SPRED3: variants seen among roughly 807,000 people sequenced by gnomAD.
SPRED3 encodes sprouty-related, EVH1 domain-containing protein 3.
A neutral mutation model predicts 37.6 loss-of-function variants in SPRED3; 23 were observed. That is an observed-to-expected ratio of 0.61 (90% CI 0.44 to 0.87). The LOEUF (loss-of-function observed/expected upper bound fraction) is 0.87. SPRED3 is among the 40% of genes least tolerant of loss of function. The pLI, the probability that SPRED3 is intolerant of heterozygous loss-of-function variation, is 0.00. For synonymous variants in SPRED3, 302 were observed against 279.6 expected (o/e 1.08, Z -0.80); for missense variants, 584 against 618.6 (o/e 0.94, Z 0.59).
At chr19:38,390,184 C>T in intron 1 of SPRED3, 115 bp from the exon 2 acceptor site, 4 of 1,076,458 alleles carry the variant, frequency 3.7e-6, no homozygotes, top group Non-Finnish European at 4.9e-6. Context: ...TGCAGTGGAC[C>T]TGGACGTGAG....
At position 38,398,818 on chromosome 19, in the gene SPRED3, G is replaced by A. The variant is rs1316116622; in HGVS notation, c.*2673G>A. Reference sequence around the variant, plus strand: ...ACCCAGACTTGGATGGCCTTGTTGGGGTTCAAGGGATAGGTCCTCTGTCTC... The same window carrying A: ...ACCCAGACTTGGATGGCCTTGTTGGAGTTCAAGGGATAGGTCCTCTGTCTC... On this transcript the variant is annotated 3_prime_UTR_variant, in exon 6 of 6. Coordinates refer to ENST00000691638, the MANE Select transcript of SPRED3 (RefSeq NM_001394336.1). The A allele has an allele frequency of 3.3e-5, 5 of 152,228 alleles. No homozygotes were observed. Among genetic ancestry groups the A allele is most frequent in the Non-Finnish European group, 7.3e-5 (5 of 68,076 alleles). The allele number at this position is 152,228 out of a possible 1,614,324, so 9.4% of individuals were successfully genotyped here.
At chr19:38,390,258 C>G in intron 1 of SPRED3, 41 bp from the exon 2 acceptor site, 7 of 1,329,686 alleles carry the variant, frequency 5.3e-6, no homozygotes, top group Non-Finnish European at 6.8e-6. Context: ...GGTTTGAGCT[C>G]ATGACTGTGT....
Position 38,396,130 on chromosome 19 carries a change from G to T in SPRED3, c.1218G>T (p.Glu406Asp). The T allele has an allele frequency of 7.8e-7, 1 of 1,281,506 alleles. No individual in the cohort carries two copies. The highest frequency in any genetic ancestry group is 9.8e-7 in the Non-Finnish European group (1 of 1,017,902). 79.4% of individuals were successfully genotyped at this position (1,281,506 alleles called of 1,614,324 possible). The change falls in exon 6 of 6, where the codon GAG becomes GAT. Residue 406 changes from glutamate (E) to aspartate (D), a missense_variant. Glu to Asp is a conservative substitution (Grantham distance 45, BLOSUM62 2). This residue lies in a region of SPRED3 where 85 missense variants were observed against 117.8 expected (regional missense o/e 0.72). Coordinates refer to ENST00000691638, the MANE Select transcript of SPRED3 (RefSeq NM_001394336.1). ...GCGCCGGCTGCGGGGGTCGCCACGA[G>T]GAGGCTGCGCGGTGAGGACGGCCTG... ...CGCAGCGGRH[E>D]EAAR
In SPRED3 at chr19:38,395,828, C is replaced by A. The variant is rs766526440; in HGVS notation, c.916C>A (p.Arg306Ser). The A allele has an allele frequency of 1.2e-5, 17 of 1,468,532 alleles. No individual in the cohort carries two copies. Among genetic ancestry groups the A allele is most frequent in the Non-Finnish European group, 1.4e-5 (16 of 1,118,428 alleles). 91.0% of individuals were successfully genotyped at this position (1,468,532 alleles called of 1,614,324 possible). A position where few individuals can be genotyped will look rare whatever the true frequency, so the allele number is the denominator to read the frequency against. The change falls in exon 6 of 6, where the codon CGC (arginine) becomes AGC (serine). Residue 306 changes from arginine (R) to serine (S), a missense_variant. Transcript: ENST00000691638. This position sits in a 1 kb window ranked among gnomAD's most constrained non-coding sequence, Gnocchi z 5.2. Reference sequence around the variant, plus strand: ...CGTGCATTGCCGCGCGCTCTTCCGTCGCAGAGCAGACGGGCGTGGCGGCCG... The same window carrying A: ...CGTGCATTGCCGCGCGCTCTTCCGTAGCAGAGCAGACGGGCGTGGCGGCCG... Reference protein sequence around the residue: ...RCVHCRALFRRRADGRGGRCA... With the variant: ...RCVHCRALFRSRADGRGGRCA...
In SPRED3 at chr19:38,395,939, C is replaced by G; in HGVS notation, c.1027C>G (p.Leu343Val). The G allele has an allele frequency of 6.7e-7, 1 of 1,503,114 alleles. No individual in the cohort carries two copies. The highest frequency in any genetic ancestry group is 8.8e-7 in the Non-Finnish European group (1 of 1,134,490). 93.1% of individuals were successfully genotyped at this position (1,503,114 alleles called of 1,614,324 possible). ...CGCCGAGAGCTTGCTCTACCACTGC[C>G]TGTCGGACGCCGAGGGCGACTTCTC... ...WCAESLLYHC[L>V]SDAEGDFSDP... The change falls in exon 6 of 6, where the codon CTG (leucine) becomes GTG (valine). Residue 343 changes from leucine to valine, a missense_variant. By Grantham distance (32) the Leu-to-Val change is conservative. Coordinates refer to ENST00000691638, the MANE Select transcript of SPRED3 (RefSeq NM_001394336.1). This position sits in a 1 kb window ranked among gnomAD's most constrained non-coding sequence, Gnocchi z 5.2.
At chr19:38,394,594 C>A in intron 4 of SPRED3, 49 bp from the exon 5 acceptor site, 1 of 1,557,510 alleles carries the variant, frequency 6.4e-7, no homozygotes. Context: ...GTGAGGGCAT[C>A]GGCTGTGCGG....
chr19:38,390,773 C>T (rs549153688), intron 2 of SPRED3, among the ~76,000 whole-genome samples: 7 of 116,714 alleles, frequency 6.0e-5, no homozygotes, highest in African/African-American at 1.7e-4. Flanking sequence ...TGCCCCCCCC[C>T]CCCCGCCCCG....
rs894350313 is a variant in SPRED3, at chr19:38,390,371, C to T, written c.69C>T (p.Gly23=). Residue 23 remains glycine, a synonymous_variant, in exon 2 of 6, where the codon GGC becomes GGT. Coordinates refer to ENST00000691638, the MANE Select transcript of SPRED3 (RefSeq NM_001394336.1). ...DSSGGWLPVG[G]GGLSQVSVCR... ...GTGGGGGCTGGCTGCCTGTGGGGGG[C>T]GGGGGCCTCAGCCAGGTGAGCGTGT... is the stretch of plus-strand genomic sequence containing the variant. 1.6e-5 allele frequency: 22 copies of T among 1,369,702 alleles called. No homozygotes were observed. The highest frequency in any genetic ancestry group is 4.0e-4 in the Middle Eastern group (2 of 4,952). 84.8% of individuals were successfully genotyped at this position (1,369,702 alleles called of 1,614,324 possible).
At position 38,395,635 on chromosome 19, in the gene SPRED3, C is replaced by A; in HGVS notation, c.723C>A (p.Phe241Leu). 1 of 1,537,862 alleles carries A rather than the reference C, an allele frequency of 6.5e-7. No homozygotes were observed. The highest frequency in any genetic ancestry group is 8.7e-7 in the Non-Finnish European group (1 of 1,151,698). ...CCCTGTCCACCTGCGTCGTGCGCTT[C>A]GCCAAGACCGGCGCGTTGAGGGGCG... ...PLALSTCVVRFAKTGALRGAA... is the reference protein window; with the variant it reads ...PLALSTCVVRLAKTGALRGAA... The change falls in exon 6 of 6, where the codon TTC becomes TTA. Residue 241 changes from phenylalanine (F) to leucine (L), a missense_variant. By Grantham distance (22) the Phe-to-Leu change is conservative (BLOSUM62 0). Around this residue, in one of 7 missense-constraint regions of SPRED3, gnomAD observed 310 missense variants for 281.1 expected, o/e 1.10. Transcript: ENST00000691638. The surrounding 1 kb of genome is among the most constrained non-coding windows in gnomAD (Gnocchi z 5.2).
chr19:38,395,691 C>A lies in SPRED3; in HGVS notation c.779C>A (p.Ala260Asp). Residue 260 changes from alanine to aspartate, a missense_variant, in exon 6 of 6, where the codon GCC becomes GAC. Ala to Asp is a moderately radical substitution (Grantham distance 126, BLOSUM62 -2). Around this residue, in one of 7 missense-constraint regions of SPRED3, gnomAD observed 310 missense variants for 281.1 expected, o/e 1.10. Transcript: ENST00000691638. This position sits in a 1 kb window ranked among gnomAD's most constrained non-coding sequence, Gnocchi z 5.2. ...CTGGGTCCCCCAGCGGCACTACCTG[C>A]CCCTTTGACCGAGGCTGCGCCCCCA... Reference protein sequence around the residue: ...AALGPPAALPAPLTEAAPPAP... With the variant: ...AALGPPAALPDPLTEAAPPAP... The A allele has an allele frequency of 6.8e-7, 1 of 1,480,760 alleles. No homozygotes were observed. Among genetic ancestry groups the A allele is most frequent in the Non-Finnish European group, 8.9e-7 (1 of 1,127,412 alleles). 91.7% of individuals were successfully genotyped at this position (1,480,760 alleles called of 1,614,324 possible).
rs151129136 is a variant in SPRED3 at position 38,392,223 on chromosome 19, CCCTCCT to C, written c.378_383del (p.Ser127_Ser128del). 2.4e-5 allele frequency: 37 copies of C among 1,569,666 alleles called. No individual in the cohort carries two copies. The highest frequency in any genetic ancestry group is 5.3e-5 in the Admixed American group (3 of 56,660). Reference sequence around the variant, plus strand: ...TCTCCCTGCCCCAGGCTCACTCACCCCCTCCTCCTCCTCCTCCTCCTCCTCTCCTTC... The same window carrying C: ...TCTCCCTGCCCCAGGCTCACTCACCCCCTCCTCCTCCTCCTCCTCTCCTTC... On this transcript the variant is annotated inframe_deletion, in exon 4 of 6. Transcript: ENST00000691638.
chr19:38,395,747 G>A lies in SPRED3; in HGVS notation c.835G>A (p.Gly279Ser). 2 of 1,463,488 alleles carry A rather than the reference G, an allele frequency of 1.4e-6. No homozygotes were observed. Among genetic ancestry groups the A allele is most frequent in the African/African-American group, 1.5e-5 (1 of 67,786 alleles). The allele number at this position is 1,463,488 out of a possible 1,614,324, so 90.7% of individuals were successfully genotyped here. The change falls in exon 6 of 6, where the codon GGC (glycine) becomes AGC (serine). Residue 279 changes from glycine to serine, a missense_variant. Physicochemically the swap from Gly to Ser is moderately conservative, Grantham distance 56 (BLOSUM62 0). Transcript: ENST00000691638. This position sits in a 1 kb window ranked among gnomAD's most constrained non-coding sequence, Gnocchi z 5.2. Reference protein sequence around the residue: ...APPARPPPGPGPSSAPAKASP... With the variant: ...APPARPPPGPSPSSAPAKASP... Reference sequence around the variant, plus strand: ...CCCCGCTCGCCCACCCCCCGGCCCGGGCCCATCCTCTGCGCCTGCCAAGGC... The same window carrying A: ...CCCCGCTCGCCCACCCCCCGGCCCGAGCCCATCCTCTGCGCCTGCCAAGGC...
rs1009057431 is a variant in SPRED3, at chr19:38,397,355, T to A, written c.*1210T>A. The A allele has an allele frequency of 6.6e-6, 1 of 152,140 alleles. No homozygotes were observed. The highest frequency in any genetic ancestry group is 2.4e-5 in the African/African-American group (1 of 41,386). The allele number at this position is 152,140 out of a possible 1,614,324, so 9.4% of individuals were successfully genotyped here. Reference sequence around the variant, plus strand: ...TTGGCCCTCAGCCCTTGAGTGACCCTAAGGTACTTTAGGAGCACTGGATCC... The same window carrying A: ...TTGGCCCTCAGCCCTTGAGTGACCCAAAGGTACTTTAGGAGCACTGGATCC... On this transcript the variant is annotated 3_prime_UTR_variant, in exon 6 of 6. Transcript: ENST00000691638.
chr19:38,395,735 C>A lies in SPRED3; in HGVS notation c.823C>A (p.Pro275Thr). ...GCCCCCAGCGCCCCCCGCTCGCCCACCCCCCGGCCCGGGCCCATCCTCTGC... is the reference window on the plus strand; with the variant it reads ...GCCCCCAGCGCCCCCCGCTCGCCCAACCCCCGGCCCGGGCCCATCCTCTGC... ...AAPPAPPARPPPGPGPSSAPA... is the reference protein window; with the variant it reads ...AAPPAPPARPTPGPGPSSAPA... The change falls in exon 6 of 6, where the codon CCC (proline) becomes ACC (threonine). Residue 275 changes from proline to threonine, a missense_variant. By Grantham distance (38) the Pro-to-Thr change is conservative. This residue lies in a region of SPRED3 where 310 missense variants were observed against 281.1 expected (regional missense o/e 1.10). Transcript: ENST00000691638. The surrounding 1 kb of genome is among the most constrained non-coding windows in gnomAD (Gnocchi z 5.2). 1.4e-6 allele frequency: 2 copies of A among 1,452,858 alleles called. No homozygotes were observed. The highest frequency in any genetic ancestry group is 1.5e-5 in the African/African-American group (1 of 67,340). 90.0% of individuals were successfully genotyped at this position (1,452,858 alleles called of 1,614,324 possible). A position where few individuals can be genotyped will look rare whatever the true frequency, so the allele number is the denominator to read the frequency against.
chr19:38,395,812 C>A lies in SPRED3; in HGVS notation c.900C>A (p.Cys300Ter), dbSNP rs879890313. ...EAEEAARCVH[C>*]RALFRRRADG... is the part of the protein sequence containing the mutation. ...AGGAGGCAGCGCGCTGCGTGCATTG[C>A]CGCGCGCTCTTCCGTCGCAGAGCAG... The change falls in exon 6 of 6, where the codon TGC (cysteine) becomes TGA (stop). Residue 300 changes from cysteine (C) to a stop codon, truncating the protein, a stop_gained. Transcript: ENST00000691638. LOFTEE classifies it high-confidence loss of function. This position sits in a 1 kb window ranked among gnomAD's most constrained non-coding sequence, Gnocchi z 5.2. The A allele has an allele frequency of 1.4e-6, 2 of 1,463,350 alleles. No homozygotes were observed. The highest frequency in any genetic ancestry group is 9.0e-7 in the Non-Finnish European group (1 of 1,115,482). The allele number at this position is 1,463,350 out of a possible 1,614,324, so 90.6% of individuals were successfully genotyped here.
In SPRED3 at chr19:38,395,515, G is replaced by A. The variant is rs1233885460; in HGVS notation, c.603G>A (p.Pro201=). ...CGCTTCTACCGTTCACGGGGATTCC[G>A]GAACCCTCAGAGCCCCTGGCAGGGG... ...YPPLLPFTGI[P]EPSEPLAGAG... is the part of the protein sequence containing the mutation. Residue 201 remains proline, a synonymous_variant, in exon 6 of 6, where the codon CCG becomes CCA. Transcript: ENST00000691638. The surrounding 1 kb of genome is among the most constrained non-coding windows in gnomAD (Gnocchi z 5.2). The A allele has an allele frequency of 6.6e-7, 1 of 1,524,432 alleles. No individual in the cohort carries two copies. The highest frequency in any genetic ancestry group is 8.8e-7 in the Non-Finnish European group (1 of 1,141,170). 94.4% of individuals were successfully genotyped at this position (1,524,432 alleles called of 1,614,324 possible).
chr19:38,399,449 A>G lies in SPRED3; in HGVS notation c.*3304A>G, dbSNP rs1970937978. On this transcript the variant is annotated 3_prime_UTR_variant, in exon 6 of 6. Transcript: ENST00000691638. ...CATATATCTTCCTGATCTTGTTTCT[A>G]AGCCAGTCTGTGACCTCAATATTGT... 6.6e-6 allele frequency: 1 copy of G among 151,896 alleles called. No individual in the cohort carries two copies. Among genetic ancestry groups the G allele is most frequent in the African/African-American group, 2.4e-5 (1 of 41,310 alleles). 9.4% of individuals were successfully genotyped at this position (151,896 alleles called of 1,614,324 possible).
Position 38,394,653 on chromosome 19 carries a change from A to C in SPRED3, c.434A>C (p.Asp145Ala). The change falls in exon 5 of 6, where the codon GAC (aspartate) becomes GCC (alanine). Residue 145 changes from aspartate to alanine, a missense_variant. Physicochemically the swap from Asp to Ala is moderately radical, Grantham distance 126. This residue lies in a region of SPRED3 where 310 missense variants were observed against 281.1 expected (regional missense o/e 1.10). Coordinates refer to ENST00000691638, the MANE Select transcript of SPRED3 (RefSeq NM_001394336.1). ...ETPCPLTSHV[D>A]SDSSSSHSRQ... ...GCCAATCTCCTCCAGTCCCACGTGG[A>C]CAGCGACTCCTCCTCCAGTCACAGC... The C allele has an allele frequency of 6.3e-7, 1 of 1,596,788 alleles. No individual in the cohort carries two copies. The highest frequency in any genetic ancestry group is 8.5e-7 in the Non-Finnish European group (1 of 1,176,026).
Position 38,391,940 on chromosome 19 carries a change from C to T in SPRED3, c.178-6C>T. ...TATCTGACCCTGCTTTCCTTCTGCC[C>T]CTCAGACAACCTTGGAGTGTACACT... On this transcript the variant is annotated splice_region_variant and splice_polypyrimidine_tract_variant and intron_variant, in intron 2 of 5. Transcript: ENST00000691638. 6.2e-7 allele frequency: 1 copy of T among 1,613,558 alleles called. No homozygotes were observed. Among genetic ancestry groups the T allele is most frequent in the Non-Finnish European group, 8.5e-7 (1 of 1,179,696 alleles).
Sources: gnomAD v4.1 joint callset for allele counts (sites outside exome capture counted in the v4.1 genomes callset) on GRCh38, gnomAD v4.1.1 for gene constraint, gnomAD v4.1.1 regional missense constraint, Gnocchi (gnomAD v3.1) non-coding constraint, MANE v1.5 for transcripts, NCBI Gene and HGNC (gene_info 2026-07-23, HGNC 2026-07-21) for gene names.